Variants in NIN observed in about 807,000 individuals in gnomAD.
The protein encoded by NIN is ninein.
NIN carries 137 observed loss-of-function variants against 257.6 expected under a neutral mutation model. The observed-to-expected ratio is 0.53, with a 90% confidence interval of 0.46 to 0.61. The LOEUF (loss-of-function observed/expected upper bound fraction) is 0.61, where lower values mean the gene tolerates loss of function less well. Ranked by LOEUF, NIN falls within the 20% of genes least tolerant of loss-of-function variation. The probability of loss-of-function intolerance (pLI) is 0.00; values close to 1 mark genes in which losing one functional copy is unlikely to be tolerated. For missense variants in NIN, 2,439 were observed against 2,501.2 expected (o/e 0.98, Z 0.53); for synonymous variants, 918 against 919.8 (o/e 1.00, Z 0.04).
chr14:50,771,495 C>A, intron 9 of NIN, 27 bp from the exon 10 acceptor site: 1 of 1,610,152 alleles, frequency 6.2e-7, no homozygotes, highest in Non-Finnish European at 8.5e-7. Flanking sequence ...GGCGTAAATT[C>A]AAAAACAAAT....
chr14:50,733,090 C>A (rs907212506), intron 28 of NIN, among the ~76,000 whole-genome samples: 1 of 120,824 alleles, frequency 8.3e-6, no homozygotes, highest in African/African-American at 3.5e-5. Flanking sequence ...AAATCTATAG[C>A]ATTAATAATT....
intron 27 of NIN, among the ~76,000 whole-genome samples, chr14:50,735,939 T>G (rs1016985083): frequency 3.3e-5 from 5 of 152,136 alleles, no homozygotes; most frequent in African/African-American, 1.2e-4. Context: ...CACTGAAATA[T>G]CCTTACCATG....
rs1196471002 is a variant in NIN at position 50,760,008 on chromosome 14, A to C, written c.2248T>G (p.Trp750Gly). Residue 750 changes from tryptophan to glycine, a missense_variant, in exon 17 of 31, where the codon TGG (tryptophan) becomes GGG (glycine). Around this residue, in one of 3 missense-constraint regions of NIN, gnomAD observed 2,043 missense variants for 2,050.2 expected, o/e 1.00. Transcript: ENST00000530997. ...REREGLQSSA[W>G]TEEKVRGLTQ... ...AAGCCTCTCACCTTCTCTTCTGTCCAGGCGCTACTCTGAAGGCCTTCCCTC... is the reference window on the plus strand; with the variant it reads ...AAGCCTCTCACCTTCTCTTCTGTCCCGGCGCTACTCTGAAGGCCTTCCCTC... 1 of 1,614,148 alleles carries C rather than the reference A, an allele frequency of 6.2e-7. No homozygotes were observed. The highest frequency in any genetic ancestry group is 2.2e-5 in the East Asian group (1 of 44,878).
intron 14 of NIN, among the ~76,000 whole-genome samples, chr14:50,764,649 A>G (rs1304708774): frequency 1.3e-5 from 2 of 152,180 alleles, no homozygotes; most frequent in Non-Finnish European, 2.9e-5. Context: ...GAAATGAAGA[A>G]CTGATACACG....
chr14:50,760,431 C>A, intron 16 of NIN, 72 bp from the exon 17 acceptor site: 6 of 822,850 alleles, frequency 7.3e-6, no homozygotes, highest in Non-Finnish European at 1.1e-5. Context: ...GATGGAGCAG[C>A]AATTGCTTTT....
intron 22 of NIN, among the ~76,000 whole-genome samples, chr14:50,744,970 C>G (rs1039718374): frequency 2.0e-5 from 3 of 152,030 alleles, no homozygotes; most frequent in Non-Finnish European, 4.4e-5. Flanking sequence ...GAACCACATA[C>G]AAGTAACAAC....
At position 50,726,988 on chromosome 14, in the gene NIN, T is replaced by C. The variant is rs377536462; in HGVS notation, c.6079-922A>G. Among the ~76,000 whole-genome samples the C allele has an allele frequency of 1.3e-3, 198 of 152,236 alleles. 5 individuals are homozygous for C. The South Asian group carries it at 0.039, about 30-fold the overall frequency. On this transcript the variant is annotated intron_variant, in intron 29 of 30. Transcript: ENST00000530997. Reference sequence around the variant, plus strand: ...GAAACCCTAAATCATGTAGTAACTATCCGGAGGATAAAAATTGTAATAGGC... The same window carrying C: ...GAAACCCTAAATCATGTAGTAACTACCCGGAGGATAAAAATTGTAATAGGC...
intron 26 of NIN, among the ~76,000 whole-genome samples, chr14:50,738,512 G>A (rs1235647904): frequency 6.6e-6 from 1 of 152,200 alleles, no homozygotes; most frequent in Non-Finnish European, 1.5e-5. Flanking sequence ...AGACTGGGAA[G>A]AGGGGACTTC....
chr14:50,816,168 C>T (rs773081388), intron 3 of NIN, among the ~76,000 whole-genome samples: 82 of 146,458 alleles, frequency 5.6e-4, no homozygotes, highest in Non-Finnish European at 7.2e-4. Flanking sequence ...GACTAATTGG[C>T]AGGAGGTAGG....
In NIN at chr14:50,760,253, T is replaced by C. The variant is rs2042221988; in HGVS notation, c.2003A>G (p.Gln668Arg). The change falls in exon 17 of 31, where the codon CAA becomes CGA. Residue 668 changes from glutamine to arginine, a missense_variant. Physicochemically the swap from Gln to Arg is conservative, Grantham distance 43. This residue lies in a region of NIN where 2,043 missense variants were observed against 2,050.2 expected (regional missense o/e 1.00). Coordinates refer to ENST00000530997, the MANE Select transcript of NIN (RefSeq NM_020921.4). ...AATTTCATTTTTAAGGTCACTTATTTGTTTTTCTAAGGTGTGCGTTTCGTT... is the reference window on the plus strand; with the variant it reads ...AATTTCATTTTTAAGGTCACTTATTCGTTTTTCTAAGGTGTGCGTTTCGTT... ...HENETHTLEK[Q>R]ISDLKNEIAE... 4 of 1,612,378 alleles carry C rather than the reference T, an allele frequency of 2.5e-6. No homozygotes were observed. The highest frequency in any genetic ancestry group is 3.4e-6 in the Non-Finnish European group (4 of 1,179,980).
At chr14:50,803,034 T>C (rs2044164934) in intron 4 of NIN, among the ~76,000 whole-genome samples, 1 of 152,142 alleles carries the variant, frequency 6.6e-6, no homozygotes, top group Non-Finnish European at 1.5e-5. Flanking sequence ...ACCATCTCCA[T>C]TGATTTCAAA....
chr14:50,763,142 A>G (rs773227261), intron 15 of NIN, among the ~76,000 whole-genome samples: 6 of 152,116 alleles, frequency 3.9e-5, no homozygotes, highest in African/African-American at 7.2e-5. Context: ...CCTATCCCCA[A>G]TAGCACTGGG....
chr14:50,734,837 T>C (rs368167615), intron 28 of NIN, among the ~76,000 whole-genome samples: 9 of 150,614 alleles, frequency 6.0e-5, no homozygotes, highest in Non-Finnish European at 1.2e-4. Context: ...CCACCACACC[T>C]GGCTAATTTT....
At chr14:50,831,287 C>T (rs544598575), upstream of NIN, among the ~76,000 whole-genome samples, 56 of 152,060 alleles carry the variant, frequency 3.7e-4, no homozygotes, top group Non-Finnish European at 4.7e-4. Context: ...CGCAGACGCG[C>T]CCTCCCGCTC....
At chr14:50,759,580 G>A (rs2042189458) in intron 17 of NIN, among the ~76,000 whole-genome samples, 1 of 151,210 alleles carries the variant, frequency 6.6e-6, no homozygotes, top group Non-Finnish European at 1.5e-5. Flanking sequence ...TGCAAGCTCC[G>A]CCTCCCGGGT....
At chr14:50,806,531 T>C (rs1001925009) in intron 4 of NIN, 3 of 471,116 alleles carry the variant, frequency 6.4e-6, no homozygotes, top group Admixed American at 4.1e-5. Flanking sequence ...CATAATACTA[T>C]GCTGCTGTAG....
intron 17 of NIN, among the ~76,000 whole-genome samples, chr14:50,759,635 A>C (rs2042193808): frequency 6.6e-6 from 1 of 152,058 alleles, no homozygotes; most frequent in Non-Finnish European, 1.5e-5. Flanking sequence ...CTGGGACTAC[A>C]GGCGCCCGCC....
chr14:50,728,929 AGTC>A (rs1197213720), intron 29 of NIN, among the ~76,000 whole-genome samples: 4 of 152,252 alleles, frequency 2.6e-5, no homozygotes, highest in African/African-American at 9.6e-5. Context: ...TGTTGTGAAA[AGTC>A]ATCACTTGTG....
chr14:50,764,857 G>T (rs897502767), intron 14 of NIN, among the ~76,000 whole-genome samples: 4 of 151,976 alleles, frequency 2.6e-5, no homozygotes, highest in Non-Finnish European at 5.9e-5. Context: ...TCTTCCTGGG[G>T]TGATGAAAAT....
Sources: allele counts gnomAD v4.1 joint callset (sites outside exome capture counted in the v4.1 genomes callset), GRCh38; gene constraint gnomAD v4.1.1; regional missense constraint gnomAD v4.1.1; transcripts MANE v1.5; gene names NCBI Gene and HGNC (gene_info 2026-07-23, HGNC 2026-07-21).